Variants in GLUD1 observed in about 807,000 individuals in gnomAD.
GLUD1 encodes the protein glutamate dehydrogenase 1, mitochondrial.
In GLUD1, 22 loss-of-function variants were observed where a neutral mutation model predicts 56.0. The ratio of observed to expected loss-of-function variants is 0.39; its 90% CI spans 0.28 to 0.56. The LOEUF (loss-of-function observed/expected upper bound fraction) is 0.56. Among genes scored for constraint, GLUD1 ranks in the 20% least tolerant of loss-of-function variants. The pLI is 0.58. For synonymous variants in GLUD1, 223 were observed against 269.9 expected (o/e 0.83, Z 1.70); for missense variants, 451 against 732.0 (o/e 0.62, Z 4.43).
intron 1 of GLUD1, chr10:87,092,582 A>C: frequency 1.0e-6 from 1 of 961,744 alleles, no homozygotes; most frequent in Non-Finnish European, 1.2e-6. Context: ...GAGGACTCAC[A>C]AACTATGGTA....
intron 1 of GLUD1, among the ~76,000 whole-genome samples, chr10:87,093,450 G>A (rs1044081049): frequency 1.3e-5 from 2 of 152,218 alleles, no homozygotes; most frequent in Non-Finnish European, 2.9e-5. Flanking sequence ...TGACTACAGA[G>A]GCCAAATCTA....
chr10:87,071,605 C>T (rs1209511378), intron 4 of GLUD1, among the ~76,000 whole-genome samples: 1 of 152,084 alleles, frequency 6.6e-6, no homozygotes, highest in African/African-American at 2.4e-5. Context: ...AATTTTGGTA[C>T]ACAGAGATAT....
At chr10:87,062,915 GCA>G in intron 5 of GLUD1, 80 bp from the exon 6 acceptor site, 1 of 1,299,060 alleles carries the variant, frequency 7.7e-7, no homozygotes, top group South Asian at 1.2e-5. Context: ...TAAAGTCAAA[GCA>G]CATTCTCATT....
intron 1 of GLUD1, among the ~76,000 whole-genome samples, chr10:87,079,228 G>GAA (rs199838559): frequency 6.9e-6 from 1 of 144,564 alleles, no homozygotes; most frequent in East Asian, 2.0e-4. Context: ...ACAGAAAAGG[G>GAA]AAAAAAAAAC....
At chr10:87,083,472 T>C (rs1359604119) in intron 1 of GLUD1, among the ~76,000 whole-genome samples, 1 of 151,938 alleles carries the variant, frequency 6.6e-6, no homozygotes, top group East Asian at 1.9e-4. Flanking sequence ...AATCAGAAAA[T>C]CTTAAAATAT....
chr10:87,064,996 A>G (rs1846035651), intron 5 of GLUD1, among the ~76,000 whole-genome samples: 1 of 152,186 alleles, frequency 6.6e-6, no homozygotes, highest in Admixed American at 6.5e-5. Context: ...GAAATGAGTA[A>G]CAAAAACAAC....
rs1405385940 is a variant in GLUD1 at position 87,062,669 on chromosome 10, G to A, written c.908C>T (p.Thr303Ile). The change falls in exon 6 of 13, where the codon ACA (threonine) becomes ATA (isoleucine). Residue 303 changes from threonine (T) to isoleucine (I), a missense_variant. Transcript: ENST00000277865. ...LGMTPGFGDK[T>I]FVVQGFGNVG... ...TTTTGTTTTTACCTGAACAACAAAT[G>A]TTTTATCTCCAAACCCTGGTGTCAT... 5 of 1,613,672 alleles carry A rather than the reference G, an allele frequency of 3.1e-6. No homozygotes were observed. The South Asian group carries it at 3.3e-5, about 11-fold the overall frequency.
chr10:87,051,530 T>G lies in GLUD1; in HGVS notation c.*221A>C. ...TAAAGGCAAAATACCAAAATGGCTC[T>G]CTGGTGTAGGTGATTTCTACTTTCA... On this transcript the variant is annotated 3_prime_UTR_variant, in exon 13 of 13. Transcript: ENST00000277865. 1 of 622,540 alleles carries G rather than the reference T, an allele frequency of 1.6e-6. No homozygotes were observed. The highest frequency in any genetic ancestry group is 2.9e-6 in the Non-Finnish European group (1 of 341,218). The allele number at this position is 622,540 out of a possible 1,614,324, so 38.6% of individuals were successfully genotyped here.
intron 12 of GLUD1, 123 bp from the exon 13 acceptor site, chr10:87,051,993 C>T (rs1845642895): frequency 9.0e-7 from 1 of 1,109,570 alleles, no homozygotes; most frequent in African/African-American, 1.5e-5. Context: ...AGGACTTGGG[C>T]AGCCAAAGAC....
chr10:87,060,744 G>A lies in GLUD1; in HGVS notation c.1141C>T (p.Pro381Ser). The change falls in exon 8 of 13, where the codon CCA (proline) becomes TCA (serine). Residue 381 changes from proline to serine, a missense_variant. Physicochemically the swap from Pro to Ser is moderately conservative, Grantham distance 74. Coordinates refer to ENST00000277865, the MANE Select transcript of GLUD1 (RefSeq NM_005271.5). Reference sequence around the variant, plus strand: ...GTCAACTGCTTCTCACTGGCAGCTGGGATCAGTATGTCACAGTCGGCCTCC... The same window carrying A: ...GTCAACTGCTTCTCACTGGCAGCTGAGATCAGTATGTCACAGTCGGCCTCC... ...ILEADCDILI[P>S]AASEKQLTKS... is the part of the protein sequence containing the mutation. 1 of 1,614,128 alleles carries A rather than the reference G, an allele frequency of 6.2e-7. No individual in the cohort carries two copies. Among genetic ancestry groups the A allele is most frequent in the Non-Finnish European group, 8.5e-7 (1 of 1,180,028 alleles).
At chr10:87,081,388 C>T (rs1157094492) in intron 1 of GLUD1, among the ~76,000 whole-genome samples, 1 of 151,252 alleles carries the variant, frequency 6.6e-6, no homozygotes, top group Non-Finnish European at 1.5e-5. Context: ...TCTGCCCGGC[C>T]GCCCCTACTG....
chr10:87,068,009 T>TGGCA (rs1177984197), intron 5 of GLUD1, 54 bp downstream of exon 5: 4 of 1,027,250 alleles, frequency 3.9e-6, no homozygotes, highest in Non-Finnish European at 6.2e-6. Context: ...GTCAAACTGT[T>TGGCA]AATTCTTGTA....
intron 5 of GLUD1, among the ~76,000 whole-genome samples, chr10:87,064,846 G>A (rs1364016102): frequency 5.3e-5 from 8 of 152,188 alleles, no homozygotes; most frequent in Non-Finnish European, 4.4e-5. Context: ...ACTGTCTGGG[G>A]TCAGGCCTGG....
At chr10:87,076,704 G>T in intron 1 of GLUD1, 48 bp from the exon 2 acceptor site, 1 of 1,052,574 alleles carries the variant, frequency 9.5e-7, no homozygotes, top group Non-Finnish European at 1.5e-6. Context: ...AGAAAGAAGG[G>T]GTTATATTTA....
intron 11 of GLUD1, 142 bp downstream of exon 11, chr10:87,057,549 G>A: frequency 1.5e-6 from 1 of 684,312 alleles, no homozygotes; most frequent in African/African-American, 1.8e-5. Context: ...GAAAAGGAAA[G>A]GTACAAAACA....
chr10:87,071,574 T>C (rs1241358344), intron 4 of GLUD1, among the ~76,000 whole-genome samples: 8 of 152,276 alleles, frequency 5.3e-5, no homozygotes, highest in South Asian at 4.1e-4. Flanking sequence ...CATGTGACTA[T>C]AGAGTAGGAG....
chr10:87,065,758 A>T (rs555959407), intron 5 of GLUD1, among the ~76,000 whole-genome samples: 2 of 152,318 alleles, frequency 1.3e-5, no homozygotes, highest in South Asian at 2.1e-4. Context: ...ACTAAGGGCT[A>T]TGTACAGTTC....
At chr10:87,068,635 GAGA>G (rs1255423408) in intron 4 of GLUD1, among the ~76,000 whole-genome samples, 10 of 152,176 alleles carry the variant, frequency 6.6e-5, no homozygotes, top group African/African-American at 2.2e-4. Context: ...AGAAAAAGGG[GAGA>G]AGGTCATATT....
At chr10:87,061,203 C>T (rs1453783126) in intron 6 of GLUD1, 151 bp from the exon 7 acceptor site, 1 of 797,050 alleles carries the variant, frequency 1.3e-6, no homozygotes, top group East Asian at 2.5e-5. Flanking sequence ...TAACTGGTTT[C>T]TCTTCAACAA....
Sources: gnomAD v4.1 joint callset for allele counts (sites outside exome capture counted in the v4.1 genomes callset) on GRCh38, gnomAD v4.1.1 for gene constraint, MANE v1.5 for transcripts, NCBI Gene and HGNC (gene_info 2026-07-23, HGNC 2026-07-21) for gene names.